The following PRKG1 variants were observed in gnomAD, a reference collection of about 807,000 sequenced individuals.
PRKG1 encodes cGMP-dependent protein kinase 1.
PRKG1 carries 35 observed loss-of-function variants against 88.1 expected under a neutral mutation model. That is an observed-to-expected ratio of 0.40 (90% CI 0.30 to 0.53). The LOEUF (loss-of-function observed/expected upper bound fraction) is 0.53. Ranked by LOEUF, PRKG1 falls within the 20% of genes least tolerant of loss-of-function variation. The pLI, the probability that PRKG1 is intolerant of heterozygous loss-of-function variation, is 0.59. For missense variants in PRKG1, 540 were observed against 839.8 expected (o/e 0.64, Z 4.41); for synonymous variants, 303 against 292.5 (o/e 1.04, Z -0.37).
chr10:51,195,104 A>C (rs1234835901), intron 2 of PRKG1, among the ~76,000 whole-genome samples: 1 of 152,236 alleles, frequency 6.6e-6, no homozygotes, highest in Non-Finnish European at 1.5e-5. Flanking sequence ...CATAGCCTTC[A>C]GTGAAGCTTT....
chr10:52,056,373 A>G (rs146678236), intron 6 of PRKG1, among the ~76,000 whole-genome samples: 342 of 152,316 alleles, frequency 2.2e-3, no homozygotes, highest in African/African-American at 7.9e-3. Flanking sequence ...GCTATGATGC[A>G]ATGATGTGTT....
chr10:51,158,614 T>C (rs1442569673), intron 2 of PRKG1, among the ~76,000 whole-genome samples: 1 of 152,024 alleles, frequency 6.6e-6, no homozygotes, highest in African/African-American at 2.4e-5. Flanking sequence ...CTGACCTCTC[T>C]GTAGATCATC....
chr10:51,479,631 G>T (rs926130820), intron 3 of PRKG1, among the ~76,000 whole-genome samples: 11 of 151,622 alleles, frequency 7.3e-5, no homozygotes, highest in African/African-American at 2.7e-4. Flanking sequence ...CTCTCGATGT[G>T]CATATTCTCA....
chr10:51,929,783 T>C (rs1020943380), intron 5 of PRKG1, among the ~76,000 whole-genome samples: 4 of 152,184 alleles, frequency 2.6e-5, no homozygotes, highest in Admixed American at 1.3e-4. Context: ...TACTACATAT[T>C]GAATTCTAAC....
At chr10:51,284,654 G>T (rs1270820944) in intron 2 of PRKG1, among the ~76,000 whole-genome samples, 1 of 152,080 alleles carries the variant, frequency 6.6e-6, no homozygotes, top group Non-Finnish European at 1.5e-5. Flanking sequence ...ATTACTGTTA[G>T]CTTGGAAGCA....
intron 4 of PRKG1, among the ~76,000 whole-genome samples, chr10:51,817,817 A>T (rs1839631849): frequency 6.6e-6 from 1 of 152,176 alleles, no homozygotes; most frequent in Non-Finnish European, 1.5e-5. Flanking sequence ...ATTATTCTAA[A>T]TGACATTAAC....
At chr10:51,161,427 AGC>A (rs1846358762) in intron 2 of PRKG1, among the ~76,000 whole-genome samples, 1 of 152,188 alleles carries the variant, frequency 6.6e-6, no homozygotes, top group Non-Finnish European at 1.5e-5. Context: ...TTAAAAATAT[AGC>A]CTTATCTCAT....
chr10:51,948,530 G>C (rs28501994), intron 5 of PRKG1, among the ~76,000 whole-genome samples: 3 of 109,100 alleles, frequency 2.7e-5, no homozygotes, highest in African/African-American at 1.8e-4. Flanking sequence ...GTCTCTGTGT[G>C]TGTGTGTGTG....
intron 9 of PRKG1, among the ~76,000 whole-genome samples, chr10:52,245,992 T>C (rs1316253756): frequency 6.6e-6 from 1 of 152,102 alleles, no homozygotes; most frequent in Non-Finnish European, 1.5e-5. Flanking sequence ...CTTTGTAAAA[T>C]AATGCTGAGT....
At chr10:51,066,290 A>G (rs982925443) in intron 1 of PRKG1, among the ~76,000 whole-genome samples, 3 of 152,058 alleles carry the variant, frequency 2.0e-5, no homozygotes, top group Non-Finnish European at 4.4e-5. Context: ...TCTAATTTTA[A>G]AGGGAGGAAA....
At chr10:51,721,292 T>A (rs10740326) in intron 3 of PRKG1, among the ~76,000 whole-genome samples, 67,144 of 151,536 alleles carry the variant, frequency 0.44, 15,482 homozygotes, top group Middle Eastern at 0.57. Flanking sequence ...ACCTAGCACA[T>A]TATTTTGCTG....
At chr10:51,963,113 G>A in intron 5 of PRKG1, among the ~76,000 whole-genome samples, 1 of 148,886 alleles carries the variant, frequency 6.7e-6, no homozygotes, top group Admixed American at 6.7e-5. Context: ...TAGCAAAAAG[G>A]TAAAAAAAAT....
At chr10:51,034,668 T>TTTATATATATATAA (rs9299454) in intron 1 of PRKG1, among the ~76,000 whole-genome samples, 1 of 68,188 alleles carries the variant, frequency 1.5e-5, no homozygotes, top group African/African-American at 5.4e-5. Context: ...AATATGTTAT[T>TTTATATATATATAA]TATATATATA....
intron 2 of PRKG1, among the ~76,000 whole-genome samples, chr10:51,157,914 A>C (rs1247235298): frequency 1.3e-5 from 2 of 151,896 alleles, no homozygotes; most frequent in Non-Finnish European, 2.9e-5. Context: ...GTAAGTAGTC[A>C]TGTAGACATG....
rs1840128301 is a variant in PRKG1, at chr10:51,474,142, G to GC, written c.592+6306_592+6307insC. On this transcript the variant is annotated intron_variant, in intron 3 of 17. Coordinates refer to ENST00000373980, the MANE Select transcript of PRKG1 (RefSeq NM_006258.4). ...GCTCAGAGCTTTAGGGATGGGTGTTGTTGTTACCCCCATTTTATTGCAAAA... is the reference window on the plus strand; with the variant it reads ...GCTCAGAGCTTTAGGGATGGGTGTTGCTTGTTACCCCCATTTTATTGCAAAA... 4.0e-5 allele frequency among the ~76,000 whole-genome samples: 6 copies of GC among 151,898 alleles called. No individual in the cohort carries two copies. The South Asian group carries it at 1.2e-3, about 31-fold the overall frequency.
chr10:51,239,869 T>C (rs1023470260), intron 2 of PRKG1, among the ~76,000 whole-genome samples: 2 of 152,196 alleles, frequency 1.3e-5, no homozygotes, highest in Non-Finnish European at 2.9e-5. Flanking sequence ...GGGATAATAG[T>C]GCCCACCTTT....
intron 3 of PRKG1, among the ~76,000 whole-genome samples, chr10:51,649,480 A>C (rs1488497366): frequency 6.6e-6 from 1 of 152,094 alleles, no homozygotes; most frequent in Non-Finnish European, 1.5e-5. Context: ...ATGCTTGCTG[A>C]ATTTGTTTCC....
chr10:52,081,215 A>C (rs1846765812), intron 7 of PRKG1, among the ~76,000 whole-genome samples: 1 of 152,208 alleles, frequency 6.6e-6, no homozygotes, highest in African/African-American at 2.4e-5. Flanking sequence ...GTGGTACAAT[A>C]AAAAATACTG....
chr10:51,465,548 A>T (rs1365483121), intron 2 of PRKG1, among the ~76,000 whole-genome samples: 1 of 152,220 alleles, frequency 6.6e-6, no homozygotes, highest in African/African-American at 2.4e-5. Flanking sequence ...TGAGGGCTGA[A>T]GAAACATCAA....
Sources: gnomAD v4.1 joint callset for allele counts (sites outside exome capture counted in the v4.1 genomes callset) on GRCh38, gnomAD v4.1.1 for gene constraint, MANE v1.5 for transcripts, NCBI Gene and HGNC (gene_info 2026-07-23, HGNC 2026-07-21) for gene names.